Variants in GARIN2 observed in about 807,000 individuals in gnomAD.
GARIN2 encodes the protein golgi associated RAB2 interactor family member 2.
chr14:67,203,966 C>A, the GARIN2 span, among the ~76,000 whole-genome samples: 2 of 152,200 alleles, frequency 1.3e-5, no homozygotes, highest in Admixed American at 1.3e-4. Flanking sequence ...CCCGCCTTGG[C>A]CTCCCAAAGT....
chr14:67,199,562 T>C, the GARIN2 span: 3 of 1,599,352 alleles, frequency 1.9e-6, no homozygotes, highest in Non-Finnish European at 1.7e-6. Flanking sequence ...GCAGTACCTC[T>C]GTAACCACCC....
the GARIN2 span, among the ~76,000 whole-genome samples, chr14:67,216,135 A>T: frequency 6.6e-6 from 1 of 152,162 alleles, no homozygotes; most frequent in Non-Finnish European, 1.5e-5. Flanking sequence ...TACATTTGTT[A>T]CAGTCAATGA....
chr14:67,206,282 T>C, the GARIN2 span, among the ~76,000 whole-genome samples: 2 of 152,120 alleles, frequency 1.3e-5, no homozygotes, highest in Admixed American at 1.3e-4. Context: ...GCAGATCACC[T>C]GAGGTCAGGA....
the GARIN2 span, among the ~76,000 whole-genome samples, chr14:67,225,719 C>T: frequency 2.6e-5 from 4 of 152,142 alleles, no homozygotes; most frequent in South Asian, 2.1e-4. Context: ...AGTTTATGTG[C>T]AATTCATAAT....
the GARIN2 span, among the ~76,000 whole-genome samples, chr14:67,192,903 GATAT>G: frequency 7.2e-6 from 1 of 138,376 alleles, no homozygotes; most frequent in African/African-American, 2.6e-5. Context: ...TCGATATCTA[GATAT>G]ATATAGATAT....
the GARIN2 span, chr14:67,198,185 T>C: frequency 2.5e-6 from 4 of 1,613,542 alleles, no homozygotes; most frequent in Non-Finnish European, 3.4e-6. Context: ...CCAGCAAGAC[T>C]ACCATGAGGA....
At chr14:67,210,172 A>G in the GARIN2 span, among the ~76,000 whole-genome samples, 1 of 152,246 alleles carries the variant, frequency 6.6e-6, no homozygotes, top group Non-Finnish European at 1.5e-5. Context: ...AGCGTTTCAT[A>G]TGGAAAACCT....
chr14:67,198,307 G>A, the GARIN2 span: 21 of 1,613,142 alleles, frequency 1.3e-5, no homozygotes, highest in Non-Finnish European at 1.8e-5. Context: ...ATGTTAGAGA[G>A]CAATTTTATC....
chr14:67,192,231 A>G, the GARIN2 span, among the ~76,000 whole-genome samples: 1 of 152,234 alleles, frequency 6.6e-6, no homozygotes, highest in Non-Finnish European at 1.5e-5. Context: ...GATTGTGAAG[A>G]TTAATACACA....
chr14:67,205,133 A>G, the GARIN2 span: 1 of 1,504,660 alleles, frequency 6.6e-7, no homozygotes, highest in South Asian at 1.3e-5. Flanking sequence ...ATCGAGAACT[A>G]GAGGGGTTAC....
the GARIN2 span, chr14:67,199,952 C>A: frequency 7.6e-7 from 1 of 1,321,928 alleles, no homozygotes; most frequent in Non-Finnish European, 1.0e-6. Context: ...CCATTCCCAC[C>A]AGGAGGAGTG....
At chr14:67,219,611 G>A in the GARIN2 span, among the ~76,000 whole-genome samples, 2 of 152,056 alleles carry the variant, frequency 1.3e-5, no homozygotes, top group African/African-American at 4.8e-5. Context: ...GATGAAAAAG[G>A]CTCAGCAGGT....
At chr14:67,212,504 T>C in the GARIN2 span, among the ~76,000 whole-genome samples, 1 of 150,296 alleles carries the variant, frequency 6.7e-6, no homozygotes, top group African/African-American at 2.5e-5. Context: ...AGTGGAAGGA[T>C]CACCTAATCC....
the GARIN2 span, chr14:67,198,195 A>T: frequency 3.1e-6 from 5 of 1,613,698 alleles, no homozygotes; most frequent in Middle Eastern, 1.6e-4. Context: ...TACCATGAGG[A>T]TCAATAAGCA....
At chr14:67,189,451 G>C in the GARIN2 span, 1 of 152,170 alleles carries the variant, frequency 6.6e-6, no homozygotes. Context: ...GTTGCCTGCT[G>C]AGTAGACATA....
the GARIN2 span, among the ~76,000 whole-genome samples, chr14:67,209,769 G>A: frequency 7.0e-6 from 1 of 142,988 alleles, no homozygotes; most frequent in East Asian, 2.2e-4. Context: ...AGTGAGCCGA[G>A]ATCGTGCCAT....
the GARIN2 span, chr14:67,199,907 C>T: frequency 2.0e-6 from 3 of 1,477,898 alleles, no homozygotes; most frequent in Non-Finnish European, 2.7e-6. Context: ...ACCCCAGGGG[C>T]AGGACATCCT....
the GARIN2 span, among the ~76,000 whole-genome samples, chr14:67,196,194 T>C: frequency 6.6e-6 from 1 of 151,932 alleles, no homozygotes; most frequent in African/African-American, 2.4e-5. Flanking sequence ...AGCTTTCTTT[T>C]TCTTTCCTTT....
the GARIN2 span, chr14:67,208,091 G>A: frequency 6.9e-7 from 1 of 1,446,502 alleles, no homozygotes; most frequent in African/African-American, 1.4e-5. Context: ...CTCCTCACGG[G>A]TGCTCAGTGA....
Sources: gnomAD v4.1 joint callset for allele counts (sites outside exome capture counted in the v4.1 genomes callset) on GRCh38, gnomAD v4.1.1 for gene constraint, MANE v1.5 for transcripts, NCBI Gene and HGNC (gene_info 2026-07-23, HGNC 2026-07-21) for gene names.